The following CDH9 variants were observed in gnomAD, a reference collection of about 807,000 sequenced individuals.
CDH9 encodes the protein cadherin 9.
A neutral mutation model predicts 70.9 loss-of-function variants in CDH9; 28 were observed. The ratio of observed to expected loss-of-function variants is 0.40; its 90% confidence interval spans 0.29 to 0.54. The LOEUF (loss-of-function observed/expected upper bound fraction) is 0.54. CDH9 is among the 20% of genes least tolerant of loss of function. The pLI is 0.59. For synonymous variants in CDH9, 409 were observed against 343.1 expected (o/e 1.19, Z -2.12); for missense variants, 874 against 984.4 (o/e 0.89, Z 1.50).
chr5:26,902,771 G>A (rs1183339657), intron 6 of CDH9, 42 bp from the exon 7 acceptor site: 1 of 1,213,306 alleles, frequency 8.2e-7, no homozygotes, highest in Non-Finnish European at 1.2e-6. Context: ...TAATTCAGAA[G>A]ATATGACAAT....
intron 3 of CDH9, among the ~76,000 whole-genome samples, chr5:26,912,113 A>G (rs1741064860): frequency 6.6e-6 from 1 of 152,132 alleles, no homozygotes; most frequent in African/African-American, 2.4e-5. Context: ...CAAAGCTAAT[A>G]CTTGCAGTTT....
At chr5:26,964,034 A>C (rs1442115726) in intron 2 of CDH9, among the ~76,000 whole-genome samples, 1 of 152,124 alleles carries the variant, frequency 6.6e-6, no homozygotes, top group Non-Finnish European at 1.5e-5. Context: ...AGAAAATATG[A>C]GTGCTCATGT....
rs576249793 is a variant in CDH9, at chr5:26,981,900, G to A, written c.228+6206C>T. On this transcript the variant is annotated intron_variant, in intron 2 of 11. Coordinates refer to ENST00000231021, the MANE Select transcript of CDH9 (RefSeq NM_016279.4). Reference sequence around the variant, plus strand: ...TTTTAAAATGATTTTTAAATTTTATGTTCCTGGTTTTTAACAGGGAGCACA... The same window carrying A: ...TTTTAAAATGATTTTTAAATTTTATATTCCTGGTTTTTAACAGGGAGCACA... Among the ~76,000 whole-genome samples, 161 of 151,992 alleles carry A rather than the reference G, an allele frequency of 1.1e-3. 2 individuals carry two copies. Among genetic ancestry groups the A allele is most frequent in the Non-Finnish European group, 4.9e-4 (33 of 67,922 alleles).
At chr5:26,901,056 T>C (rs1277756927) in intron 7 of CDH9, among the ~76,000 whole-genome samples, 2 of 151,982 alleles carry the variant, frequency 1.3e-5, no homozygotes, top group Non-Finnish European at 2.9e-5. Flanking sequence ...CTAGTGCATA[T>C]ACATTGGTCA....
At chr5:26,999,568 G>C (rs1742728398) in intron 1 of CDH9, among the ~76,000 whole-genome samples, 1 of 152,108 alleles carries the variant, frequency 6.6e-6, no homozygotes, top group African/African-American at 2.4e-5. Flanking sequence ...TCCAGAATTA[G>C]ACCCACACAA....
At chr5:26,953,189 A>G (rs1371349572) in intron 2 of CDH9, among the ~76,000 whole-genome samples, 1 of 152,118 alleles carries the variant, frequency 6.6e-6, no homozygotes, top group Non-Finnish European at 1.5e-5. Flanking sequence ...TCTTTAGAAA[A>G]CCTAATGAGC....
At position 26,969,805 on chromosome 5, in the gene CDH9, T is replaced by C. The variant is rs559629927; in HGVS notation, c.228+18301A>G. Among the ~76,000 whole-genome samples the C allele has an allele frequency of 4.0e-5, 6 of 151,834 alleles. 1 individual carries two copies. In the South Asian group the frequency reaches 1.0e-3, roughly 26 times the overall value. On this transcript the variant is annotated intron_variant, in intron 2 of 11. Coordinates refer to ENST00000231021, the MANE Select transcript of CDH9 (RefSeq NM_016279.4). ...GTTGATTCTCTTTTCCTTGTCTTAT[T>C]GAAAATTGTCATCAAAGATCTTAGA... is the stretch of plus-strand genomic sequence containing the variant.
chr5:26,980,199 G>A (rs1405737869), intron 2 of CDH9, among the ~76,000 whole-genome samples: 1 of 151,826 alleles, frequency 6.6e-6, no homozygotes, highest in African/African-American at 2.4e-5. Flanking sequence ...GAAGTTGGAA[G>A]TTTCACAAAA....
rs562311262 is a variant in CDH9 at position 27,007,092 on chromosome 5, T to C, written c.-49-18710A>G. On this transcript the variant is annotated intron_variant, in intron 1 of 11. Coordinates refer to ENST00000231021, the MANE Select transcript of CDH9 (RefSeq NM_016279.4). The stretch of plus-strand genomic sequence containing the variant: ...ATAAATGAATTTTCAGCCTATGGTT[T>C]CATGTCAGCTTCCAGCTTCAGAAAT... 3.3e-4 allele frequency among the ~76,000 whole-genome samples: 51 copies of C among 152,292 alleles called. 1 individual carries two copies. Among genetic ancestry groups the C allele is most frequent in the African/African-American group, 1.2e-3 (50 of 41,574 alleles).
chr5:26,990,864 A>G (rs1053031236), intron 1 of CDH9, among the ~76,000 whole-genome samples: 1 of 152,242 alleles, frequency 6.6e-6, no homozygotes. Flanking sequence ...GGTATTCTCC[A>G]TTTCCTGGGG....
chr5:26,940,183 GA>G (rs1017008494), intron 2 of CDH9, among the ~76,000 whole-genome samples: 13 of 151,192 alleles, frequency 8.6e-5, no homozygotes, highest in African/African-American at 2.7e-4. Flanking sequence ...AAAGAAAGGA[GA>G]TTTTTTTGAC....
chr5:26,953,061 A>G (rs948565112), intron 2 of CDH9, among the ~76,000 whole-genome samples: 1 of 152,168 alleles, frequency 6.6e-6, no homozygotes, highest in Non-Finnish European at 1.5e-5. Context: ...TGCCTGCTGT[A>G]GTTTCTTCAC....
intron 2 of CDH9, among the ~76,000 whole-genome samples, chr5:26,962,108 A>C (rs1182351181): frequency 6.6e-6 from 1 of 152,154 alleles, no homozygotes; most frequent in Non-Finnish European, 1.5e-5. Context: ...TATTTTGCTG[A>C]TAATGATGGT....
chr5:26,923,856 T>C (rs967085067), intron 2 of CDH9, among the ~76,000 whole-genome samples: 3 of 152,012 alleles, frequency 2.0e-5, no homozygotes, highest in Admixed American at 6.6e-5. Context: ...AGAAAAGTTC[T>C]TGAAACTAAT....
chr5:26,946,580 G>T (rs151114762), intron 2 of CDH9, among the ~76,000 whole-genome samples: 2 of 152,264 alleles, frequency 1.3e-5, no homozygotes, highest in East Asian at 1.9e-4. Context: ...GAATTTAAAG[G>T]TAATAGCTTT....
intron 1 of CDH9, among the ~76,000 whole-genome samples, chr5:27,001,845 C>T (rs990773491): frequency 1.1e-4 from 4 of 36,528 alleles, no homozygotes; most frequent in African/African-American, 2.4e-4. Context: ...CACACACACA[C>T]TCTCTCTCTC....
chr5:26,895,618 AATC>A (rs1740736387), intron 7 of CDH9, among the ~76,000 whole-genome samples: 1 of 152,086 alleles, frequency 6.6e-6, no homozygotes, highest in African/African-American at 2.4e-5. Context: ...GTAAAGCTAT[AATC>A]AACCCTATAA....
At chr5:27,020,214 A>T (rs3811932) in intron 1 of CDH9, among the ~76,000 whole-genome samples, 79,114 of 151,546 alleles carry the variant, frequency 0.52, 22,148 homozygotes, top group African/African-American at 0.69. Flanking sequence ...TATTTAATTT[A>T]AAAAAACAAT....
chr5:26,928,270 C>T (rs1741380469), intron 2 of CDH9, among the ~76,000 whole-genome samples: 1 of 151,876 alleles, frequency 6.6e-6, no homozygotes, highest in South Asian at 2.1e-4. Context: ...CTATAAAATA[C>T]ATAAGAGTTT....
Sources: gnomAD v4.1 joint callset for allele counts (sites outside exome capture counted in the v4.1 genomes callset) on GRCh38, gnomAD v4.1.1 for gene constraint, MANE v1.5 for transcripts, NCBI Gene and HGNC (gene_info 2026-07-23, HGNC 2026-07-21) for gene names.